EIF4E: variants seen among roughly 807,000 people sequenced by gnomAD.
EIF4E encodes eukaryotic translation initiation factor 4E.
For missense variants in EIF4E, 113 were observed against 265.6 expected (o/e 0.43, Z 3.99); for synonymous variants, 71 against 88.5 (o/e 0.80, Z 1.11).
intron 3 of EIF4E, 140 bp from the exon 4 acceptor site, chr4:98,888,092 C>A: frequency 1.4e-6 from 1 of 723,872 alleles, no homozygotes. Flanking sequence ...GAGTCAATTT[C>A]TAAAATGGAC....
chr4:98,887,245 G>C lies in EIF4E; in HGVS notation c.286-53C>G. 2 of 1,558,116 alleles carry C rather than the reference G, an allele frequency of 1.3e-6. No individual in the cohort carries two copies. The highest frequency in any genetic ancestry group is 1.8e-6 in the Non-Finnish European group (2 of 1,129,794). On this transcript the variant is annotated intron_variant, in intron 4 of 6. Transcript: ENST00000450253. The surrounding 1 kb of genome is among the most constrained non-coding windows in gnomAD (Gnocchi z 4.0). ...CACAACATTGTTACCTTGACTTTGAGAGATAATCATTAGAAACAGTTAAGC... is the reference window on the plus strand; with the variant it reads ...CACAACATTGTTACCTTGACTTTGACAGATAATCATTAGAAACAGTTAAGC...
intron 2 of EIF4E, among the ~76,000 whole-genome samples, chr4:98,897,668 C>T (rs977643354): frequency 1.3e-5 from 2 of 152,178 alleles, no homozygotes; most frequent in African/African-American, 4.8e-5. Flanking sequence ...ACAAAAACCA[C>T]TTCCACTACT....
chr4:98,890,922 G>C (rs1030958374), intron 3 of EIF4E: 1 of 383,400 alleles, frequency 2.6e-6, no homozygotes, highest in Non-Finnish European at 4.8e-6. Context: ...CCAGTTATGA[G>C]GCAAATGTAT....
chr4:98,908,715 A>G (rs374412852), intron 1 of EIF4E, among the ~76,000 whole-genome samples: 2 of 152,346 alleles, frequency 1.3e-5, no homozygotes, highest in East Asian at 3.9e-4. Flanking sequence ...CATGTGCTAC[A>G]TTATTTTCAT....
intron 1 of EIF4E, among the ~76,000 whole-genome samples, chr4:98,928,600 G>T (rs984167002): frequency 6.6e-6 from 1 of 152,034 alleles, no homozygotes; most frequent in Admixed American, 6.5e-5. Flanking sequence ...CCGGTCTAAG[G>T]AAGACGTGCG....
chr4:98,913,324 T>G (rs542994492), intron 1 of EIF4E, among the ~76,000 whole-genome samples: 125 of 151,222 alleles, frequency 8.3e-4, no homozygotes, highest in African/African-American at 2.6e-3. Context: ...ATCCAACAAA[T>G]TTTTTTTTTC....
At chr4:98,909,829 C>A in intron 1 of EIF4E, 1 of 697,400 alleles carries the variant, frequency 1.4e-6, no homozygotes, top group Non-Finnish European at 2.6e-6. Context: ...CTTAATTTGT[C>A]TCAGGACAGG....
chr4:98,886,799 A>G (rs1723939321), intron 5 of EIF4E: 2 of 404,560 alleles, frequency 4.9e-6, no homozygotes, highest in South Asian at 2.1e-5. Flanking sequence ...ACAAAATGTA[A>G]GGTTCTATAA....
intron 1 of EIF4E, among the ~76,000 whole-genome samples, chr4:98,903,988 T>C (rs1724756823): frequency 1.3e-5 from 2 of 152,060 alleles, no homozygotes; most frequent in African/African-American, 4.8e-5. Flanking sequence ...CAGGTAGGCT[T>C]TGGGGGACAG....
chr4:98,898,125 A>G (rs999121910), intron 2 of EIF4E, among the ~76,000 whole-genome samples: 45 of 150,282 alleles, frequency 3.0e-4, no homozygotes, highest in African/African-American at 8.3e-4. Context: ...AGGGGGGGGA[A>G]AAAAGAAACC....
intron 1 of EIF4E, among the ~76,000 whole-genome samples, chr4:98,921,321 G>A (rs897981390): frequency 1.3e-5 from 2 of 151,946 alleles, no homozygotes; most frequent in Non-Finnish European, 2.9e-5. Context: ...GAAGTTTCAC[G>A]GCAATACTAA....
intron 6 of EIF4E, among the ~76,000 whole-genome samples, chr4:98,883,393 A>ATTT (rs11408890): frequency 0.081 from 8,351 of 103,678 alleles, 157 homozygotes; most frequent in East Asian, 0.1. Context: ...TGTAAGTCAA[A>ATTT]TTTTTTTTTT....
In EIF4E at chr4:98,914,987, A is replaced by T. The variant is rs548616148; in HGVS notation, c.19-13005T>A. 4.6e-5 allele frequency among the ~76,000 whole-genome samples: 7 copies of T among 152,356 alleles called. No individual in the cohort carries two copies. The South Asian group carries it at 1.4e-3, about 32-fold the overall frequency. ...GAGACAGGGTCCCGCTCTGATGCCC[A>T]GGCTGGAGTGCAGTGGCACAATCAC... On this transcript the variant is annotated intron_variant, in intron 1 of 6. Coordinates refer to ENST00000450253, the MANE Select transcript of EIF4E (RefSeq NM_001968.5).
At chr4:98,901,564 G>A (rs1387414295) in intron 2 of EIF4E, among the ~76,000 whole-genome samples, 2 of 152,166 alleles carry the variant, frequency 1.3e-5, no homozygotes, top group African/African-American at 4.8e-5. Flanking sequence ...TTCAACAAAA[G>A]CCTCCTATAT....
Position 98,887,856 on chromosome 4 carries a change from T to A in EIF4E, c.285+33A>T. On this transcript the variant is annotated intron_variant, in intron 4 of 6. Transcript: ENST00000450253. The surrounding 1 kb of genome is among the most constrained non-coding windows in gnomAD (Gnocchi z 4.0). ...ATGAATACCAAATGGCCCAGTCCTA[T>A]AATAAATATATAAAATCACCAATTA... 6.3e-7 allele frequency: 1 copy of A among 1,590,628 alleles called. No homozygotes were observed. The highest frequency in any genetic ancestry group is 1.1e-5 in the South Asian group (1 of 89,948).
At chr4:98,908,591 GAC>G (rs1724980022) in intron 1 of EIF4E, among the ~76,000 whole-genome samples, 1 of 152,182 alleles carries the variant, frequency 6.6e-6, no homozygotes. Flanking sequence ...CAGAAGGACA[GAC>G]ACAGTAAGAA....
chr4:98,911,759 T>C (rs896405729), intron 1 of EIF4E, among the ~76,000 whole-genome samples: 2 of 151,078 alleles, frequency 1.3e-5, no homozygotes, highest in Non-Finnish European at 2.9e-5. Context: ...AGCACTAACA[T>C]GTACCTACTG....
At chr4:98,911,083 C>T (rs1282891017) in intron 1 of EIF4E, among the ~76,000 whole-genome samples, 1 of 144,284 alleles carries the variant, frequency 6.9e-6, no homozygotes, top group Non-Finnish European at 1.5e-5. Flanking sequence ...AGAGTCTTGC[C>T]CTGTTGCCCA....
chr4:98,926,510 C>A (rs957002304), intron 1 of EIF4E: 6 of 152,302 alleles, frequency 3.9e-5, no homozygotes, highest in African/African-American at 1.4e-4. Context: ...CCATTGCACT[C>A]CAGCCTGGGC....
Sources: allele counts gnomAD v4.1 joint callset (sites outside exome capture counted in the v4.1 genomes callset), GRCh38; gene constraint gnomAD v4.1.1; non-coding constraint Gnocchi (gnomAD v3.1); transcripts MANE v1.5; gene names NCBI Gene and HGNC (gene_info 2026-07-23, HGNC 2026-07-21).